ERC1: variants seen among roughly 807,000 people sequenced by gnomAD.
ERC1 encodes RAB6 interacting protein 2.
In ERC1, 56 loss-of-function variants were observed where a neutral mutation model predicts 132.0. The ratio of observed to expected loss-of-function variants is 0.42; its 90% CI spans 0.34 to 0.53. ERC1 has a LOEUF of 0.53. Ranked by LOEUF, ERC1 falls within the 20% of genes least tolerant of loss-of-function variation. The pLI is 0.03. For missense variants in ERC1, 1,202 were observed against 1,349.9 expected, an observed-to-expected ratio of 0.89 and a Z score of 1.72; for synonymous variants, 478 against 476.1, an observed-to-expected ratio of 1.00 and a Z score of -0.05.
chr12:1,049,926 A>AGAGACAGG (rs1971652060), intron 2 of ERC1, among the ~76,000 whole-genome samples: 1 of 151,986 alleles, frequency 6.6e-6, no homozygotes. Context: ...TATTTTTAGT[A>AGAGACAGG]GAGACAGGGT....
At chr12:1,335,328 C>T (rs2083221426) in intron 15 of ERC1, among the ~76,000 whole-genome samples, 1 of 152,128 alleles carries the variant, frequency 6.6e-6, no homozygotes, top group Non-Finnish European at 1.5e-5. Flanking sequence ...GGAATGCCTC[C>T]AGCTTTTGTT....
chr12:1,152,974 C>G (rs1361910450), intron 8 of ERC1: 2 of 152,304 alleles, frequency 1.3e-5, no homozygotes, highest in African/African-American at 4.8e-5. Flanking sequence ...GTTCCCAGCT[C>G]CTAAGCCTCC....
At chr12:1,284,265 C>CGTGTGTGTGTGTGTGT (rs71055142) in intron 14 of ERC1, among the ~76,000 whole-genome samples, 4 of 140,192 alleles carry the variant, frequency 2.9e-5, no homozygotes, top group East Asian at 4.3e-4. Flanking sequence ...GAATAGTATT[C>CGTGTGTGTGTGTGTGT]GTGTGTGTGT....
chr12:1,337,637 C>G (rs560531186), intron 15 of ERC1, among the ~76,000 whole-genome samples: 1 of 152,300 alleles, frequency 6.6e-6, no homozygotes, highest in South Asian at 2.1e-4. Context: ...TATAGTGTCA[C>G]TAGTGTGTTT....
chr12:1,437,240 C>T (rs527947919), intron 17 of ERC1, among the ~76,000 whole-genome samples: 3 of 152,208 alleles, frequency 2.0e-5, no homozygotes, highest in South Asian at 2.1e-4. Context: ...CCTTTCAGGG[C>T]GCATACTGTA....
chr12:1,221,854 G>A (rs780730969), intron 12 of ERC1, among the ~76,000 whole-genome samples: 2 of 152,188 alleles, frequency 1.3e-5, no homozygotes, highest in Non-Finnish European at 2.9e-5. Context: ...GTATGTGTGT[G>A]CACGTGTGCA....
chr12:1,006,834 A>G (rs1045748733), intron 1 of ERC1, among the ~76,000 whole-genome samples: 1 of 152,044 alleles, frequency 6.6e-6, no homozygotes, highest in Non-Finnish European at 1.5e-5. Context: ...TGTCTGCTTT[A>G]TAAATTTTTC....
At chr12:1,483,930 G>A (rs1165293312) in intron 18 of ERC1, among the ~76,000 whole-genome samples, 4 of 151,430 alleles carry the variant, frequency 2.6e-5, no homozygotes, top group African/African-American at 7.3e-5. Context: ...CTGACCTCAC[G>A]TGATCCACCT....
chr12:1,253,640 C>G (rs1240774620), intron 13 of ERC1, among the ~76,000 whole-genome samples: 1 of 152,040 alleles, frequency 6.6e-6, no homozygotes, highest in East Asian at 1.9e-4. Context: ...CACGCCATTG[C>G]ACTCCAGCCT....
chr12:1,495,741 C>G lies in ERC1; in HGVS notation c.*5511C>G, dbSNP rs944434846. 1 of 223,454 alleles carries G rather than the reference C, an allele frequency of 4.5e-6. No homozygotes were observed. The highest frequency in any genetic ancestry group is 8.9e-6 in the Non-Finnish European group (1 of 111,966). 13.8% of individuals were successfully genotyped at this position (223,454 alleles called of 1,614,324 possible). A position where few individuals can be genotyped will look rare whatever the true frequency, so the allele number is the denominator to read the frequency against. ...CCTCCATGGTGGTGTCTGGGATGCACGTGCACCCGCTGCCTTCAGCTGTAT... is the reference window on the plus strand; with the variant it reads ...CCTCCATGGTGGTGTCTGGGATGCAGGTGCACCCGCTGCCTTCAGCTGTAT... On this transcript the variant is annotated 3_prime_UTR_variant, in exon 19 of 19. Transcript: ENST00000360905.
intron 7 of ERC1, among the ~76,000 whole-genome samples, chr12:1,122,169 GTCTCTATCTCTA>G (rs1387095278): frequency 5.4e-5 from 4 of 73,796 alleles, no homozygotes; most frequent in Non-Finnish European, 7.7e-5. Flanking sequence ...CTCTATCTGT[GTCTCTATCTCTA>G]TCTCTATCTC....
intron 18 of ERC1, among the ~76,000 whole-genome samples, chr12:1,482,321 C>G (rs967857768): frequency 1.3e-5 from 2 of 152,048 alleles, no homozygotes; most frequent in Non-Finnish European, 2.9e-5. Context: ...CCCCCCCAAC[C>G]CTGCCTTCCT....
chr12:1,225,214 C>T (rs1220796085), intron 12 of ERC1, among the ~76,000 whole-genome samples: 4 of 151,718 alleles, frequency 2.6e-5, no homozygotes, highest in Admixed American at 1.3e-4. Context: ...ATCTCAGCAA[C>T]TCAGGAGTCT....
chr12:1,175,046 A>G (rs1365948028), intron 8 of ERC1, among the ~76,000 whole-genome samples: 1 of 152,256 alleles, frequency 6.6e-6, no homozygotes, highest in Non-Finnish European at 1.5e-5. Context: ...CAATAGCATT[A>G]TATCTAAAAA....
chr12:1,288,480 C>T (rs1475151620), intron 14 of ERC1, among the ~76,000 whole-genome samples: 1 of 152,182 alleles, frequency 6.6e-6, no homozygotes, highest in Non-Finnish European at 1.5e-5. Flanking sequence ...ATTTAACTTG[C>T]TCACTTCTGG....
intron 2 of ERC1, among the ~76,000 whole-genome samples, chr12:1,072,724 G>T (rs994115351): frequency 1.8e-4 from 28 of 152,008 alleles, no homozygotes; most frequent in Non-Finnish European, 5.9e-5. Flanking sequence ...ACAGAGTCTC[G>T]CACTGTCACC....
intron 8 of ERC1, among the ~76,000 whole-genome samples, chr12:1,176,092 A>C (rs891671145): frequency 6.6e-6 from 1 of 152,200 alleles, no homozygotes; most frequent in Non-Finnish European, 1.5e-5. Flanking sequence ...AAAAGTTTTC[A>C]ATTTACTTTG....
rs114054007 is a variant in ERC1, at chr12:1,168,793, G to A, written c.1738-11747G>A. On this transcript the variant is annotated intron_variant, in intron 8 of 18. Coordinates refer to ENST00000360905, the MANE Select transcript of ERC1 (RefSeq NM_178040.4). ...TGAGCCATCGTGCCGGCTGTGACGG[G>A]TCATTTTAAACAACATTCTGGATTC... Among the ~76,000 whole-genome samples the A allele has an allele frequency of 5.2e-3, 793 of 151,888 alleles. 10 individuals are homozygous for A. The highest frequency in any genetic ancestry group is 0.018 in the African/African-American group (750 of 41,418).
intron 18 of ERC1, among the ~76,000 whole-genome samples, chr12:1,484,872 C>T (rs7313808): frequency 0.42 from 63,618 of 150,736 alleles, 13,709 homozygotes; most frequent in African/African-American, 0.48. Flanking sequence ...CGTGAGCCAC[C>T]GTGCTGGGTC....
Sources: gnomAD v4.1 joint callset for allele counts (sites outside exome capture counted in the v4.1 genomes callset) on GRCh38, gnomAD v4.1.1 for gene constraint, MANE v1.5 for transcripts, NCBI Gene and HGNC (gene_info 2026-07-23, HGNC 2026-07-21) for gene names.